REDIC1: variants seen among roughly 807,000 people sequenced by gnomAD.
REDIC1 encodes HEI10 Interacting Protein 1.
the REDIC1 span, among the ~76,000 whole-genome samples, chr12:39,661,123 G>A: frequency 6.6e-6 from 1 of 152,116 alleles, no homozygotes; most frequent in African/African-American, 2.4e-5. Context: ...ACATGGGGGT[G>A]CATATATTGT....
chr12:39,781,689 C>G, the REDIC1 span, among the ~76,000 whole-genome samples: 1 of 152,176 alleles, frequency 6.6e-6, no homozygotes, highest in Non-Finnish European at 1.5e-5. Flanking sequence ...TATATTTTAA[C>G]AGCATAGTTA....
the REDIC1 span, among the ~76,000 whole-genome samples, chr12:39,782,780 G>A: frequency 6.6e-6 from 1 of 152,180 alleles, no homozygotes; most frequent in Non-Finnish European, 1.5e-5. Flanking sequence ...TACAGATAGT[G>A]ATATGAACAA....
At chr12:39,830,083 T>C in the REDIC1 span, 3 of 1,613,190 alleles carry the variant, frequency 1.9e-6, no homozygotes, top group South Asian at 2.2e-5. Flanking sequence ...TATATTCGTA[T>C]GGTAAAATGA....
the REDIC1 span, chr12:39,759,267 A>C: frequency 1.3e-5 from 2 of 152,256 alleles, no homozygotes; most frequent in Non-Finnish European, 2.9e-5. Flanking sequence ...TTACTTTCTG[A>C]ACATAAAAGG....
the REDIC1 span, among the ~76,000 whole-genome samples, chr12:39,766,969 C>T: frequency 2.0e-5 from 3 of 152,098 alleles, no homozygotes; most frequent in South Asian, 6.2e-4. Context: ...CAACTTCTTG[C>T]AAACTTCCAA....
the REDIC1 span, among the ~76,000 whole-genome samples, chr12:39,713,569 C>T: frequency 1.2e-4 from 17 of 147,078 alleles, no homozygotes; most frequent in African/African-American, 3.5e-4. Context: ...CATGTGTACG[C>T]GTACATATGT....
chr12:39,679,554 A>T, the REDIC1 span, among the ~76,000 whole-genome samples: 2 of 152,250 alleles, frequency 1.3e-5, no homozygotes, highest in African/African-American at 4.8e-5. Context: ...AATACTGTAA[A>T]AATGACCATA....
At chr12:39,714,228 C>CATATATGT in the REDIC1 span, among the ~76,000 whole-genome samples, 1 of 35,296 alleles carries the variant, frequency 2.8e-5, no homozygotes, top group Admixed American at 3.2e-4. Context: ...TATATGCATG[C>CATATATGT]ATATATGTAT....
chr12:39,708,777 T>C, the REDIC1 span, among the ~76,000 whole-genome samples: 1 of 151,900 alleles, frequency 6.6e-6, no homozygotes, highest in Non-Finnish European at 1.5e-5. Context: ...ATTATCTTTT[T>C]ATAAATGTTT....
the REDIC1 span, among the ~76,000 whole-genome samples, chr12:39,796,238 C>A: frequency 6.6e-6 from 1 of 152,050 alleles, no homozygotes; most frequent in African/African-American, 2.4e-5. Context: ...CCCTTAACAT[C>A]TTAACTGATC....
chr12:39,876,978 C>T, the REDIC1 span, among the ~76,000 whole-genome samples: 3 of 152,190 alleles, frequency 2.0e-5, no homozygotes, highest in South Asian at 4.2e-4. Context: ...TGTTCTTTAG[C>T]TCTTTTAGTT....
chr12:39,815,833 A>G, the REDIC1 span, among the ~76,000 whole-genome samples: 1 of 152,240 alleles, frequency 6.6e-6, no homozygotes, highest in African/African-American at 2.4e-5. Flanking sequence ...ACAGTACAAC[A>G]TTCTATAAAA....
the REDIC1 span, among the ~76,000 whole-genome samples, chr12:39,831,355 A>G: frequency 6.6e-6 from 1 of 152,146 alleles, no homozygotes; most frequent in Non-Finnish European, 1.5e-5. Flanking sequence ...AGAACTGCTT[A>G]TGTTGTCATT....
At chr12:39,735,379 A>G in the REDIC1 span, among the ~76,000 whole-genome samples, 8 of 152,266 alleles carry the variant, frequency 5.3e-5, no homozygotes, top group Non-Finnish European at 1.5e-5. Flanking sequence ...CAACACTATC[A>G]TATGAAGTAA....
the REDIC1 span, among the ~76,000 whole-genome samples, chr12:39,657,664 TAA>T: frequency 2.0e-3 from 300 of 152,318 alleles, 1 homozygote; most frequent in African/African-American, 6.9e-3. Flanking sequence ...TTTATTGACA[TAA>T]AGTTATTCAT....
At chr12:39,703,179 A>G in the REDIC1 span, among the ~76,000 whole-genome samples, 2 of 152,156 alleles carry the variant, frequency 1.3e-5, no homozygotes, top group South Asian at 2.1e-4. Flanking sequence ...GCATATATAG[A>G]CAACCCCATT....
chr12:39,676,214 G>A, the REDIC1 span, among the ~76,000 whole-genome samples: 8 of 151,548 alleles, frequency 5.3e-5, no homozygotes, highest in East Asian at 1.5e-3. Context: ...AACCAGATAT[G>A]GATGAAAAGG....
the REDIC1 span, among the ~76,000 whole-genome samples, chr12:39,856,462 G>A: frequency 3.3e-5 from 5 of 152,206 alleles, no homozygotes; most frequent in Admixed American, 6.5e-5. Flanking sequence ...TCTGCCTCCC[G>A]GGCTCAAGCG....
At chr12:39,671,014 T>A in the REDIC1 span, among the ~76,000 whole-genome samples, 3 of 152,174 alleles carry the variant, frequency 2.0e-5, no homozygotes, top group African/African-American at 4.8e-5. Flanking sequence ...TGATTTCGAA[T>A]TCTTTTTCAG....
Sources: gnomAD v4.1 joint callset for allele counts (sites outside exome capture counted in the v4.1 genomes callset) on GRCh38, gnomAD v4.1.1 for gene constraint, MANE v1.5 for transcripts, NCBI Gene and HGNC (gene_info 2026-07-23, HGNC 2026-07-21) for gene names.